The following DNAH6 variants were observed in gnomAD, a reference collection of about 807,000 sequenced individuals.
DNAH6 encodes axonemal beta dynein heavy chain 6.
DNAH6 carries 340 observed loss-of-function variants against 491.4 expected under a neutral mutation model. The observed-to-expected ratio is 0.69, with a 90% confidence interval of 0.63 to 0.76. The LOEUF is 0.76. Ranked by LOEUF, DNAH6 falls within the 30% of genes least tolerant of loss-of-function variation. The probability of loss-of-function intolerance (pLI) is 0.00; values close to 1 mark genes in which losing one functional copy is unlikely to be tolerated. For missense variants in DNAH6, 4,443 were observed against 4,972.2 expected (o/e 0.89, Z 3.20); for synonymous variants, 1,603 against 1,686.1 (o/e 0.95, Z 1.21).
rs1461450475 is a variant in DNAH6 at position 84,814,097 on chromosome 2, G to A, written c.12125G>A (p.Gly4042Glu). 1.3e-6 allele frequency: 2 copies of A among 1,551,638 alleles called. No individual in the cohort carries two copies. Among genetic ancestry groups the A allele is most frequent in the South Asian group, 2.4e-5 (2 of 84,040 alleles). Residue 4042 changes from glycine to glutamate, a missense_variant, in exon 75 of 77, where the codon GGA (glycine) becomes GAA (glutamate). By Grantham distance (98) the Gly-to-Glu change is moderately conservative (BLOSUM62 -2). Transcript: ENST00000389394. The part of the protein sequence containing the change: ...VIEAAKTVQF[G>E]QELPMDMELP... ...GAAGCTGCCAAGACAGTGCAATTTG[G>A]ACAAGAACTGCCCATGGACATGGAG...
At chr2:84,633,075 G>A (rs1271175952) in intron 29 of DNAH6, among the ~76,000 whole-genome samples, 1 of 152,162 alleles carries the variant, frequency 6.6e-6, no homozygotes, top group African/African-American at 2.4e-5. Context: ...GTGGCCAGCA[G>A]GCTTCTTCAT....
At chr2:84,609,035 C>T (rs1686050496) in intron 21 of DNAH6, among the ~76,000 whole-genome samples, 1 of 152,184 alleles carries the variant, frequency 6.6e-6, no homozygotes, top group South Asian at 2.1e-4. Flanking sequence ...CACGAATCAA[C>T]CTCTGCTACC....
chr2:84,505,788 T>G, the DNAH6 span, among the ~76,000 whole-genome samples: 10 of 152,170 alleles, frequency 6.6e-5, no homozygotes, highest in African/African-American at 2.4e-4. Flanking sequence ...AATTCCCACC[T>G]ATGAGTTAGA....
chr2:84,471,017 T>A, the DNAH6 span, among the ~76,000 whole-genome samples: 1 of 152,070 alleles, frequency 6.6e-6, no homozygotes, highest in Non-Finnish European at 1.5e-5. Context: ...ATATGGAACA[T>A]GTTCTGCTAC....
At chr2:84,463,801 C>T in the DNAH6 span, among the ~76,000 whole-genome samples, 1 of 152,046 alleles carries the variant, frequency 6.6e-6, no homozygotes, top group Non-Finnish European at 1.5e-5. Flanking sequence ...CTCTCATTTG[C>T]ATTTTTTTCA....
At position 84,525,738 on chromosome 2, in the gene DNAH6, G is replaced by C. The variant is rs747072949; in HGVS notation, c.399G>C (p.Gln133His). ...ATCAAGATGCTGTGAAAAAAATGCA[G>C]GTATAATATTAAAATACTTAATTGA... ...LEHQDAVKKM[Q>H]IHRPYVEVFS... The change falls in exon 3 of 77, where the codon CAG becomes CAC. Residue 133 changes from glutamine (Q) to histidine (H), a missense_variant and splice_region_variant. Transcript: ENST00000389394. The C allele has an allele frequency of 1.0e-5, 16 of 1,533,158 alleles. No individual in the cohort carries two copies. 95.0% of individuals were successfully genotyped at this position (1,533,158 alleles called of 1,614,324 possible). A position where few individuals can be genotyped will look rare whatever the true frequency, so the allele number is the denominator to read the frequency against.
intron 68 of DNAH6, among the ~76,000 whole-genome samples, chr2:84,795,529 T>C (rs892040215): frequency 5.3e-5 from 8 of 152,034 alleles, no homozygotes; most frequent in Non-Finnish European, 1.2e-4. Context: ...CCTGACATGA[T>C]GGAAGAAATA....
chr2:84,606,881 G>T, intron 20 of DNAH6, 95 bp from the exon 21 acceptor site: 5 of 1,307,314 alleles, frequency 3.8e-6, no homozygotes, highest in South Asian at 2.9e-5. Flanking sequence ...TCAAAGAGTT[G>T]ACTTTTAAGT....
At chr2:84,536,192 G>A (rs1677675456) in intron 4 of DNAH6, among the ~76,000 whole-genome samples, 2 of 151,956 alleles carry the variant, frequency 1.3e-5, no homozygotes, top group Admixed American at 1.3e-4. Context: ...TAAGTGCATT[G>A]GCAATCCAAA....
chr2:84,806,928 A>G (rs1424448519), intron 71 of DNAH6, among the ~76,000 whole-genome samples: 1 of 152,214 alleles, frequency 6.6e-6, no homozygotes, highest in Non-Finnish European at 1.5e-5. Context: ...GTCATTAAAT[A>G]TAAGATCAAT....
chr2:84,494,302 A>AG, the DNAH6 span, among the ~76,000 whole-genome samples: 2 of 152,192 alleles, frequency 1.3e-5, no homozygotes, highest in Non-Finnish European at 2.9e-5. Flanking sequence ...TGCCGGATAC[A>AG]GGTTCTCTAT....
intron 33 of DNAH6, among the ~76,000 whole-genome samples, chr2:84,652,661 A>G (rs939948274): frequency 7.2e-5 from 11 of 152,010 alleles, no homozygotes; most frequent in African/African-American, 2.7e-4. Context: ...ACTTTCTTCT[A>G]GTACTTTCAT....
intron 21 of DNAH6, among the ~76,000 whole-genome samples, chr2:84,608,650 G>A (rs1034552743): frequency 8.5e-5 from 13 of 152,140 alleles, no homozygotes; most frequent in African/African-American, 2.9e-4. Flanking sequence ...CTGTCACACA[G>A]GCTTTGTTGT....
the DNAH6 span, among the ~76,000 whole-genome samples, chr2:84,469,320 A>T: frequency 6.6e-6 from 1 of 152,134 alleles, no homozygotes; most frequent in Admixed American, 6.5e-5. This position sits in a 1 kb window ranked among gnomAD's most constrained non-coding sequence, Gnocchi z 4.0. Flanking sequence ...GGGCCAAGCC[A>T]CATCATAAAG....
intron 38 of DNAH6, among the ~76,000 whole-genome samples, chr2:84,669,993 G>A (rs1273285977): frequency 6.6e-6 from 1 of 152,180 alleles, no homozygotes; most frequent in Non-Finnish European, 1.5e-5. Context: ...GAGAATCCAC[G>A]TAAACAGGAC....
the DNAH6 span, among the ~76,000 whole-genome samples, chr2:84,490,479 A>G: frequency 6.6e-6 from 1 of 151,704 alleles, no homozygotes; most frequent in Non-Finnish European, 1.5e-5. Flanking sequence ...CCCTCCTCTT[A>G]CCTCCAACCA....
chr2:84,520,465 G>C (rs1676034238), intron 2 of DNAH6, among the ~76,000 whole-genome samples: 1 of 152,052 alleles, frequency 6.6e-6, no homozygotes, highest in South Asian at 2.1e-4. Flanking sequence ...GTACAGATTT[G>C]TTACATAGGT....
rs1386489270 is a variant in DNAH6, at chr2:84,525,697, A to C, written c.358A>C (p.Thr120Pro). ...IAKKSFATSS[T>P]QFLEHQDAVK... is the part of the protein sequence containing the mutation. ...AAAAAAAAGTTTTGCCACATCATCT[A>C]CTCAGTTTCTTGAGCATCAAGATGC... The change falls in exon 3 of 77, where the codon ACT becomes CCT. Residue 120 changes from threonine to proline, a missense_variant. Thr to Pro is a conservative substitution (Grantham distance 38, BLOSUM62 -1). Transcript: ENST00000389394. The C allele has an allele frequency of 3.9e-6, 6 of 1,549,174 alleles. No homozygotes were observed. The East Asian group carries it at 1.5e-4, about 38-fold the overall frequency.
the DNAH6 span, among the ~76,000 whole-genome samples, chr2:84,487,879 G>A: frequency 6.6e-6 from 1 of 152,238 alleles, no homozygotes; most frequent in South Asian, 2.1e-4. Context: ...TGTCTATGGG[G>A]ATAACTGTGT....
Sources: gnomAD v4.1 joint callset for allele counts (sites outside exome capture counted in the v4.1 genomes callset) on GRCh38, gnomAD v4.1.1 for gene constraint, Gnocchi (gnomAD v3.1) non-coding constraint, MANE v1.5 for transcripts, NCBI Gene and HGNC (gene_info 2026-07-23, HGNC 2026-07-21) for gene names.